Variants in RREB1 observed in about 807,000 individuals in gnomAD.
RREB1 encodes the protein ras responsive element binding protein 1.
RREB1 carries 27 observed loss-of-function variants against 117.8 expected under a neutral mutation model. That is an observed-to-expected ratio of 0.23 (90% CI 0.17 to 0.32). RREB1 has a LOEUF of 0.32. RREB1 is among the 10% of genes least tolerant of loss of function. The pLI is 1.00. For synonymous variants in RREB1, 1,298 were observed against 1,026.7 expected (o/e 1.26, Z -5.05); for missense variants, 2,577 against 2,378.2 (o/e 1.08, Z -1.74).
chr6:7,233,716 T>TGTGGGAATTG (rs1364033629), intron 10 of RREB1, among the ~76,000 whole-genome samples: 2 of 152,170 alleles, frequency 1.3e-5, no homozygotes, highest in African/African-American at 4.8e-5. Context: ...GAGGGTGGGT[T>TGTGGGAATTG]GTGGGAATTG....
chr6:7,224,832 C>T (rs962414768), intron 8 of RREB1, among the ~76,000 whole-genome samples: 1 of 152,106 alleles, frequency 6.6e-6, no homozygotes, highest in Non-Finnish European at 1.5e-5. Context: ...AGCAGAATTC[C>T]CTCAAAAGGA....
intron 8 of RREB1, among the ~76,000 whole-genome samples, chr6:7,219,747 G>C (rs189537516): frequency 1.3e-5 from 2 of 152,312 alleles, no homozygotes; most frequent in African/African-American, 4.8e-5. Context: ...GAGACTCTCT[G>C]TGATCGTGGT....
intron 1 of RREB1, among the ~76,000 whole-genome samples, chr6:7,110,337 C>G (rs919284974): frequency 6.6e-6 from 1 of 152,136 alleles, no homozygotes; most frequent in Non-Finnish European, 1.5e-5. Context: ...TAGATAGAGG[C>G]CAAAGTGTTG....
Position 7,246,464 on chromosome 6 carries a change from A to C in RREB1, c.4014A>C (p.Glu1338Asp). Residue 1338 changes from glutamate to aspartate, a missense_variant, in exon 12 of 13, where the codon GAA (glutamate) becomes GAC (aspartate). By Grantham distance (45) the Glu-to-Asp change is conservative. Transcript: ENST00000379938. ...SDAETAAAAGEVLDLTSRDRE... is the reference protein window; with the variant it reads ...SDAETAAAAGDVLDLTSRDRE... Reference sequence around the variant, plus strand: ...CGGAGACTGCAGCCGCCGCGGGCGAAGTGCTAGACCTCACCTCACGGGACA... The same window carrying C: ...CGGAGACTGCAGCCGCCGCGGGCGACGTGCTAGACCTCACCTCACGGGACA... 1 of 1,515,566 alleles carries C rather than the reference A, an allele frequency of 6.6e-7. No individual in the cohort carries two copies. Among genetic ancestry groups the C allele is most frequent in the Non-Finnish European group, 8.9e-7 (1 of 1,127,940 alleles). The allele number at this position is 1,515,566 out of a possible 1,614,324, so 93.9% of individuals were successfully genotyped here.
chr6:7,166,740 T>A (rs1261892215), intron 1 of RREB1, among the ~76,000 whole-genome samples: 3 of 152,176 alleles, frequency 2.0e-5, no homozygotes, highest in Non-Finnish European at 4.4e-5. Flanking sequence ...CATCCTGAAT[T>A]CTGGGAATTC....
At chr6:7,226,701 G>C (rs750841225) in intron 9 of RREB1, 45 bp downstream of exon 9, 7 of 1,471,570 alleles carry the variant, frequency 4.8e-6, no homozygotes, top group Non-Finnish European at 6.6e-6. Context: ...TGCCTTCCAT[G>C]GTCCACACAG....
At chr6:7,140,657 C>T (rs1762523604) in intron 1 of RREB1, 1 of 152,214 alleles carries the variant, frequency 6.6e-6, no homozygotes. Context: ...GGTTTGAAGC[C>T]GCTGGTCCTC....
chr6:7,124,563 CTT>C (rs1440434478), intron 1 of RREB1, among the ~76,000 whole-genome samples: 3 of 152,248 alleles, frequency 2.0e-5, no homozygotes, highest in Admixed American at 2.0e-4. Context: ...GTCTAGAGTA[CTT>C]TTAAATAAGT....
chr6:7,189,076 TA>T, intron 5 of RREB1, 82 bp from the exon 6 acceptor site: 1 of 1,343,174 alleles, frequency 7.4e-7, no homozygotes, highest in Non-Finnish European at 9.9e-7. Flanking sequence ...GTTTTTTTAA[TA>T]AAGCTCTGGA....
chr6:7,131,550 T>C (rs1482034820), intron 1 of RREB1, among the ~76,000 whole-genome samples: 4 of 152,224 alleles, frequency 2.6e-5, no homozygotes, highest in African/African-American at 9.7e-5. Context: ...TTACTCTAGC[T>C]AGTTAGTGAG....
chr6:7,119,391 A>AT (rs1395475868), intron 1 of RREB1, among the ~76,000 whole-genome samples: 1 of 152,156 alleles, frequency 6.6e-6, no homozygotes, highest in African/African-American at 2.4e-5. Context: ...CTAAGAAGTC[A>AT]TTTTTATATA....
At chr6:7,212,598 C>A (rs1581545613) in intron 8 of RREB1, 1 of 152,254 alleles carries the variant, frequency 6.6e-6, no homozygotes, top group Admixed American at 6.5e-5. Flanking sequence ...GAAAGTAGCC[C>A]ATCCTGGAAG....
At chr6:7,170,331 TCC>T (rs1171978233) in intron 1 of RREB1, among the ~76,000 whole-genome samples, 1 of 151,820 alleles carries the variant, frequency 6.6e-6, no homozygotes, top group Non-Finnish European at 1.5e-5. Flanking sequence ...GCTGCGTGTC[TCC>T]CCTTGAGGTC....
chr6:7,231,856 C>A lies in RREB1; in HGVS notation c.3757C>A (p.Arg1253=), dbSNP rs145113159. ...LQKITCPHCP[R]VFPWASSLQR... Reference sequence around the variant, plus strand: ...GAAGATCACCTGTCCCCACTGTCCCCGGGTTTTCCCTTGGGCCAGCTCCCT... The same window carrying A: ...GAAGATCACCTGTCCCCACTGTCCCAGGGTTTTCCCTTGGGCCAGCTCCCT... Residue 1253 remains arginine (R), a synonymous_variant, in exon 10 of 13, where the codon CGG becomes AGG. Transcript: ENST00000379938. The A allele has an allele frequency of 2.5e-6, 4 of 1,613,290 alleles. No individual in the cohort carries two copies. The Admixed American group carries it at 6.7e-5, about 27-fold the overall frequency.
Position 7,229,647 on chromosome 6 carries a change from G to A in RREB1, c.1548G>A (p.Arg516=), listed in dbSNP as rs975199393. 20 of 1,612,390 alleles carry A rather than the reference G, an allele frequency of 1.2e-5. No individual in the cohort carries two copies. The East Asian group carries it at 3.8e-4, about 31-fold the overall frequency. ...AGCCAAAGCCCCTGGTCACACCACG[G>A]ACGGTGGTGGCCACCTCCACGCCCC... ...PLKPKPLVTP[R]TVVATSTPPP... Residue 516 remains arginine (R), a synonymous_variant, in exon 10 of 13, where the codon CGG becomes CGA. Coordinates refer to ENST00000379938, the MANE Select transcript of RREB1 (RefSeq NM_001003699.4). This position sits in a 1 kb window ranked among gnomAD's most constrained non-coding sequence, Gnocchi z 4.5.
chr6:7,241,459 A>G (rs1768698461), intron 11 of RREB1, among the ~76,000 whole-genome samples: 1 of 152,110 alleles, frequency 6.6e-6, no homozygotes, highest in Non-Finnish European at 1.5e-5. Flanking sequence ...CAGTTTTGCA[A>G]GTCTTGAAAA....
At chr6:7,180,961 G>A (rs1340972011) in intron 2 of RREB1, among the ~76,000 whole-genome samples, 163 bp from the exon 3 acceptor site, 2 of 152,342 alleles carry the variant, frequency 1.3e-5, no homozygotes, top group African/African-American at 2.4e-5. Flanking sequence ...AGAAACAGCT[G>A]TAGAATGTGG....
intron 1 of RREB1, among the ~76,000 whole-genome samples, chr6:7,172,184 G>C (rs1193515307): frequency 6.6e-6 from 1 of 152,022 alleles, no homozygotes; most frequent in African/African-American, 2.4e-5. Context: ...GGTCTTAAGT[G>C]ATCTTCCCAC....
At chr6:7,144,561 C>T (rs1486149217) in intron 1 of RREB1, among the ~76,000 whole-genome samples, 1 of 149,860 alleles carries the variant, frequency 6.7e-6, no homozygotes, top group Non-Finnish European at 1.5e-5. Flanking sequence ...TTCTTTGGCC[C>T]TGTGTAATTA....
Sources: allele counts gnomAD v4.1 joint callset (sites outside exome capture counted in the v4.1 genomes callset), GRCh38; gene constraint gnomAD v4.1.1; non-coding constraint Gnocchi (gnomAD v3.1); transcripts MANE v1.5; gene names NCBI Gene and HGNC (gene_info 2026-07-23, HGNC 2026-07-21).